GRID2: variants seen among roughly 807,000 people sequenced by gnomAD.
GRID2 encodes glutamate receptor ionotropic, delta-2.
A neutral mutation model predicts 114.8 loss-of-function variants in GRID2; 33 were observed. The ratio of observed to expected loss-of-function variants is 0.29; its 90% CI spans 0.22 to 0.38. The LOEUF is 0.38. Among genes scored for constraint, GRID2 ranks in the 10% least tolerant of loss-of-function variants. GRID2 has a pLI of 1.00. For synonymous variants in GRID2, 505 were observed against 449.9 expected (o/e 1.12, Z -1.55); for missense variants, 1,184 against 1,257.7 (o/e 0.94, Z 0.89).
intron 2 of GRID2, among the ~76,000 whole-genome samples, chr4:92,722,959 T>C (rs2149318688): frequency 6.6e-6 from 1 of 152,288 alleles, no homozygotes; most frequent in East Asian, 1.9e-4. Context: ...TTAAAGTAAC[T>C]ATTAAAAACA....
intron 2 of GRID2, among the ~76,000 whole-genome samples, chr4:92,995,768 T>C (rs1001544812): frequency 6.6e-6 from 1 of 152,166 alleles, no homozygotes; most frequent in African/African-American, 2.4e-5. Context: ...TAAACAATTA[T>C]AGCATTTTCT....
chr4:93,701,073 T>A (rs1486067274), intron 14 of GRID2, among the ~76,000 whole-genome samples: 1 of 152,078 alleles, frequency 6.6e-6, no homozygotes, highest in African/African-American at 2.4e-5. Context: ...TATAGACTTA[T>A]CCCCAGTGAA....
intron 2 of GRID2, among the ~76,000 whole-genome samples, chr4:92,769,948 T>C (rs1209797252): frequency 6.6e-6 from 1 of 152,234 alleles, no homozygotes; most frequent in Non-Finnish European, 1.5e-5. Context: ...TCTCATTACT[T>C]ATGCAAATTT....
intron 8 of GRID2, among the ~76,000 whole-genome samples, chr4:93,309,557 A>AATAATT (rs1755788611): frequency 6.6e-6 from 1 of 151,558 alleles, no homozygotes; most frequent in Non-Finnish European, 1.5e-5. Context: ...TAATAATAAT[A>AATAATT]ATAATAAATA....
chr4:92,918,829 G>C (rs1001627122), intron 2 of GRID2, among the ~76,000 whole-genome samples: 9 of 152,012 alleles, frequency 5.9e-5, no homozygotes, highest in African/African-American at 1.9e-4. Context: ...TGTTGTGTCT[G>C]TGCCAGACTT....
At chr4:93,506,619 A>G (rs1208097423) in intron 12 of GRID2, among the ~76,000 whole-genome samples, 1 of 152,132 alleles carries the variant, frequency 6.6e-6, no homozygotes, top group Non-Finnish European at 1.5e-5. Context: ...GCGACTAGAA[A>G]AGGCTGCATC....
At chr4:92,546,846 T>G (rs1281853063) in intron 1 of GRID2, among the ~76,000 whole-genome samples, 1 of 152,186 alleles carries the variant, frequency 6.6e-6, no homozygotes, top group Non-Finnish European at 1.5e-5. Flanking sequence ...TTGAGAATGA[T>G]TTTCAGAACT....
chr4:92,917,165 G>A (rs1004369081), intron 2 of GRID2, among the ~76,000 whole-genome samples: 3 of 152,170 alleles, frequency 2.0e-5, no homozygotes, highest in African/African-American at 4.8e-5. Flanking sequence ...CTTCTTTTGA[G>A]AAGTGTCTGT....
In GRID2 at chr4:93,197,109, G is replaced by A. The variant is rs528846844; in HGVS notation, c.736-10295G>A. ...TATGGTTTAGTCTCTTTCTCTATCA[G>A]TTATACAATGGATGCACGTAAGTTA... On this transcript the variant is annotated intron_variant, in intron 4 of 15. Coordinates refer to ENST00000282020, the MANE Select transcript of GRID2 (RefSeq NM_001510.4). Among the ~76,000 whole-genome samples the A allele has an allele frequency of 5.3e-5, 8 of 152,190 alleles. No individual in the cohort carries two copies. In the South Asian group the frequency reaches 1.7e-3, roughly 31 times the overall value.
At chr4:93,378,858 A>T (rs1183716810) in intron 8 of GRID2, among the ~76,000 whole-genome samples, 2 of 152,048 alleles carry the variant, frequency 1.3e-5, no homozygotes, top group East Asian at 3.9e-4. Context: ...TAACTTCTTG[A>T]ATGATGTCCC....
intron 2 of GRID2, among the ~76,000 whole-genome samples, chr4:92,876,809 A>G (rs569871240): frequency 6.6e-6 from 1 of 152,366 alleles, no homozygotes; most frequent in Admixed American, 6.5e-5. Context: ...AGTTTTAGCA[A>G]GTAGCAAGCT....
At chr4:93,281,546 A>G (rs1190739522) in intron 8 of GRID2, among the ~76,000 whole-genome samples, 6 of 152,062 alleles carry the variant, frequency 3.9e-5, no homozygotes, top group Non-Finnish European at 8.8e-5. Flanking sequence ...TCTTGAACCT[A>G]AGTAACCTAA....
chr4:92,305,006 TGTGA>T (rs2110099412), intron 1 of GRID2, among the ~76,000 whole-genome samples: 1 of 152,160 alleles, frequency 6.6e-6, no homozygotes, highest in East Asian at 1.9e-4. Context: ...TTGACCTGAG[TGTGA>T]GTGTGTGCTG....
chr4:92,944,779 C>CT (rs1003768818), intron 2 of GRID2, among the ~76,000 whole-genome samples: 19 of 151,972 alleles, frequency 1.3e-4, no homozygotes, highest in South Asian at 6.2e-4. Flanking sequence ...TTGTAAAACA[C>CT]TTTTTTTTCC....
intron 3 of GRID2, among the ~76,000 whole-genome samples, chr4:93,093,579 A>G (rs1730958226): frequency 6.6e-6 from 1 of 152,016 alleles, no homozygotes; most frequent in East Asian, 1.9e-4. Flanking sequence ...GGAAGCAACA[A>G]CAGTATATTA....
At chr4:92,735,877 T>G (rs1235236658) in intron 2 of GRID2, among the ~76,000 whole-genome samples, 4 of 152,060 alleles carry the variant, frequency 2.6e-5, no homozygotes, top group Non-Finnish European at 5.9e-5. Flanking sequence ...CATGAAAACA[T>G]AACAGTATTT....
At chr4:93,298,590 C>A (rs959499695) in intron 8 of GRID2, among the ~76,000 whole-genome samples, 2 of 152,310 alleles carry the variant, frequency 1.3e-5, no homozygotes, top group Non-Finnish European at 2.9e-5. Flanking sequence ...TTACATAACA[C>A]CCTCCATGTC....
chr4:93,202,840 T>C (rs886223453), intron 4 of GRID2, among the ~76,000 whole-genome samples: 1 of 152,142 alleles, frequency 6.6e-6, no homozygotes, highest in African/African-American at 2.4e-5. Flanking sequence ...AACAATATTA[T>C]CACTGCTTTT....
At chr4:92,395,024 A>G (rs1338286571) in intron 1 of GRID2, among the ~76,000 whole-genome samples, 1 of 151,624 alleles carries the variant, frequency 6.6e-6, no homozygotes, top group Non-Finnish European at 1.5e-5. Flanking sequence ...CAGAATAAAC[A>G]AAGTAACTAA....
Sources: allele counts gnomAD v4.1 joint callset (sites outside exome capture counted in the v4.1 genomes callset), GRCh38; gene constraint gnomAD v4.1.1; transcripts MANE v1.5; gene names NCBI Gene and HGNC (gene_info 2026-07-23, HGNC 2026-07-21).